The following PTPRN2 variants were observed in gnomAD, a reference collection of about 807,000 sequenced individuals.
The protein encoded by PTPRN2 is receptor-type tyrosine-protein phosphatase N2.
Under a neutral mutation model 118.8 loss-of-function variants are expected in PTPRN2, and 74 were observed. That is an observed-to-expected ratio of 0.62 (90% CI 0.52 to 0.76). The LOEUF (loss-of-function observed/expected upper bound fraction) is 0.76, where lower values mean the gene tolerates loss of function less well. Ranked by LOEUF, PTPRN2 falls within the 30% of genes least tolerant of loss-of-function variation. PTPRN2 has a pLI of 0.00. For missense variants in PTPRN2, 1,481 were observed against 1,394.4 expected, an observed-to-expected ratio of 1.06 and a Z score of -0.99; for synonymous variants, 641 against 608.0, an observed-to-expected ratio of 1.05 and a Z score of -0.80.
At chr7:158,539,796 TG>T in intron 1 of PTPRN2, 1 of 247,084 alleles carries the variant, frequency 4.0e-6, no homozygotes, top group Non-Finnish European at 7.9e-6. Context: ...TGGTGACGGC[TG>T]GGGACATACT....
At chr7:157,752,650 C>T (rs1334525289) in intron 12 of PTPRN2, among the ~76,000 whole-genome samples, 1 of 152,250 alleles carries the variant, frequency 6.6e-6, no homozygotes, top group African/African-American at 2.4e-5. Flanking sequence ...AGCCCACCTC[C>T]AGGTACAGAG....
chr7:158,249,968 G>GAC (rs1563037923), intron 3 of PTPRN2, among the ~76,000 whole-genome samples: 1 of 151,936 alleles, frequency 6.6e-6, no homozygotes, highest in Admixed American at 6.6e-5. Flanking sequence ...TTGGATGCAC[G>GAC]ACACACACAC....
intron 6 of PTPRN2, among the ~76,000 whole-genome samples, chr7:158,161,104 G>A (rs369028757): frequency 1.3e-5 from 2 of 152,264 alleles, no homozygotes; most frequent in African/African-American, 4.8e-5. Flanking sequence ...TCAGGATTAT[G>A]ACTGGCTCCC....
intron 11 of PTPRN2, among the ~76,000 whole-genome samples, chr7:158,000,418 C>A (rs925181146): frequency 2.0e-5 from 3 of 151,992 alleles, no homozygotes; most frequent in African/African-American, 4.8e-5. Flanking sequence ...TCACCCAACA[C>A]GTGAAAGCCG....
intron 12 of PTPRN2, among the ~76,000 whole-genome samples, chr7:157,822,309 T>G (rs1311822599): frequency 6.6e-6 from 1 of 151,410 alleles, no homozygotes; most frequent in Non-Finnish European, 1.5e-5. Context: ...CCATCTGCTA[T>G]CCATGAGCCA....
chr7:158,012,372 A>G (rs567012023), intron 11 of PTPRN2, among the ~76,000 whole-genome samples: 2 of 152,220 alleles, frequency 1.3e-5, no homozygotes, highest in Non-Finnish European at 2.9e-5. Context: ...CAGACGGCAA[A>G]TATTTCAAAG....
intron 19 of PTPRN2, among the ~76,000 whole-genome samples, chr7:157,571,912 C>T (rs1799778962): frequency 6.6e-6 from 1 of 152,084 alleles, no homozygotes; most frequent in African/African-American, 2.4e-5. Context: ...TTAGTCCAGA[C>T]ATCATATTGA....
In PTPRN2 at chr7:158,233,899, G is replaced by A. The variant is rs549504361; in HGVS notation, c.278-28626C>T. Among the ~76,000 whole-genome samples, 3 of 152,294 alleles carry A rather than the reference G, an allele frequency of 2.0e-5. No individual in the cohort carries two copies. The South Asian group carries it at 6.2e-4, about 32-fold the overall frequency. On this transcript the variant is annotated intron_variant, in intron 3 of 22. Coordinates refer to ENST00000389418, the MANE Select transcript of PTPRN2 (RefSeq NM_002847.5). Reference sequence around the variant, plus strand: ...GACAATCTCTTCAATAAATGTTGCTGAGAAAACTGGATTTCCATACACAGA... The same window carrying A: ...GACAATCTCTTCAATAAATGTTGCTAAGAAAACTGGATTTCCATACACAGA...
At chr7:157,949,973 G>T (rs559631379) in intron 11 of PTPRN2, among the ~76,000 whole-genome samples, 26 of 152,310 alleles carry the variant, frequency 1.7e-4, no homozygotes, top group African/African-American at 6.3e-4. Context: ...TGGCAGGAAA[G>T]TTATAAAGGT....
chr7:157,819,840 T>A (rs903812340), intron 12 of PTPRN2, among the ~76,000 whole-genome samples: 1 of 150,144 alleles, frequency 6.7e-6, no homozygotes, highest in Non-Finnish European at 1.5e-5. Context: ...TCACACTGCA[T>A]GACCCCCCCC....
intron 2 of PTPRN2, among the ~76,000 whole-genome samples, chr7:158,391,643 C>T (rs753589188): frequency 2.0e-5 from 3 of 152,318 alleles, no homozygotes; most frequent in Non-Finnish European, 2.9e-5. Flanking sequence ...GAGATGCAGG[C>T]CCAACCCCTG....
At position 158,133,679 on chromosome 7, in the gene PTPRN2, T is replaced by A. The variant is rs149307075; in HGVS notation, c.1554A>T (p.Arg518Ser). ...GCTTAGCCAGGGCTGCTACTCACTC[T>A]CTGTCTGTCACGATGTAGCCCCGCG... is the stretch of plus-strand genomic sequence containing the variant. ...EEARGYIVTD[R>S]DPLRPEEGRR... The change falls in exon 9 of 23, where the codon AGA becomes AGT. Residue 518 changes from arginine (R) to serine (S), a missense_variant and splice_region_variant. Around this residue, in one of 3 missense-constraint regions of PTPRN2, gnomAD observed 1,115 missense variants for 994.2 expected, o/e 1.12. Coordinates refer to ENST00000389418, the MANE Select transcript of PTPRN2 (RefSeq NM_002847.5). 1.3e-6 allele frequency: 2 copies of A among 1,573,540 alleles called. No individual in the cohort carries two copies. The highest frequency in any genetic ancestry group is 2.3e-5 in the South Asian group (2 of 86,888).
At chr7:158,067,915 T>C (rs1467350481) in intron 11 of PTPRN2, among the ~76,000 whole-genome samples, 1 of 151,796 alleles carries the variant, frequency 6.6e-6, no homozygotes, top group Non-Finnish European at 1.5e-5. Flanking sequence ...ATGGTGTGCT[T>C]AGAATTTGGT....
At chr7:158,407,853 G>A (rs2151426615) in intron 2 of PTPRN2, among the ~76,000 whole-genome samples, 1 of 152,334 alleles carries the variant, frequency 6.6e-6, no homozygotes, top group African/African-American at 2.4e-5. Context: ...AGTTCATGGC[G>A]TGATTAGCTG....
intron 6 of PTPRN2, among the ~76,000 whole-genome samples, chr7:158,164,523 C>A (rs1223783411): frequency 5.3e-5 from 7 of 133,086 alleles, no homozygotes; most frequent in Non-Finnish European, 1.1e-4. Context: ...GGGCTCAGAG[C>A]GGGAGCGCGC....
At chr7:158,127,423 C>T (rs1817789592) in intron 9 of PTPRN2, among the ~76,000 whole-genome samples, 1 of 152,046 alleles carries the variant, frequency 6.6e-6, no homozygotes, top group South Asian at 2.1e-4. Context: ...GGCTGCCACT[C>T]CAGAGACCAG....
intron 11 of PTPRN2, 32 bp downstream of exon 11, chr7:158,081,266 G>A (rs1201391532): frequency 1.9e-6 from 3 of 1,560,976 alleles, no homozygotes; most frequent in African/African-American, 1.4e-5. Context: ...ACACGTGTGT[G>A]TGCGTGTACG....
intron 2 of PTPRN2, among the ~76,000 whole-genome samples, chr7:158,365,308 G>A (rs189547360): frequency 5.6e-4 from 86 of 152,228 alleles, no homozygotes; most frequent in East Asian, 5.6e-3. Context: ...AGACCTCATC[G>A]GCACTTCTGA....
At chr7:157,846,869 C>G (rs74430740) in intron 12 of PTPRN2, among the ~76,000 whole-genome samples, 1 of 107,966 alleles carries the variant, frequency 9.3e-6, no homozygotes, top group Non-Finnish European at 1.9e-5. Context: ...CACTCCATCA[C>G]GTGTGCCCGA....
Sources: gnomAD v4.1 joint callset for allele counts (sites outside exome capture counted in the v4.1 genomes callset) on GRCh38, gnomAD v4.1.1 for gene constraint, gnomAD v4.1.1 regional missense constraint, MANE v1.5 for transcripts, NCBI Gene and HGNC (gene_info 2026-07-23, HGNC 2026-07-21) for gene names.